Variants in DIAPH3 observed in about 807,000 individuals in gnomAD.
DIAPH3 encodes the protein protein diaphanous homolog 3.
In DIAPH3, 117 loss-of-function variants were observed where a neutral mutation model predicts 144.3. That is an observed-to-expected ratio of 0.81 (90% CI 0.70 to 0.95). The LOEUF is 0.95. Ranked by LOEUF, DIAPH3 falls within the 40% of genes least tolerant of loss-of-function variation. The pLI is 0.00. For missense variants in DIAPH3, 1,421 were observed against 1,412.7 expected, an observed-to-expected ratio of 1.01 and a Z score of -0.09; for synonymous variants, 519 against 488.9, an observed-to-expected ratio of 1.06 and a Z score of -0.81.
rs911849667 is a variant in DIAPH3, at chr13:59,983,823, C to A, written c.1426G>T (p.Asp476Tyr). The A allele has an allele frequency of 2.0e-5, 32 of 1,610,138 alleles. 1 individual carries two copies. The East Asian group carries it at 6.9e-4, about 35-fold the overall frequency. Residue 476 changes from aspartate (D) to tyrosine (Y), a missense_variant, in exon 13 of 28, where the codon GAT (aspartate) becomes TAT (tyrosine). Transcript: ENST00000400324. ...SQIVLHRDGM[D>Y]PDFTYRKRLD... Reference sequence around the variant, plus strand: ...CTTTTTCGATATGTGAAGTCTGGATCCATTCCATCTCTATGCAATACAATC... The same window carrying A: ...CTTTTTCGATATGTGAAGTCTGGATACATTCCATCTCTATGCAATACAATC...
intron 5 of DIAPH3, among the ~76,000 whole-genome samples, chr13:60,035,697 A>C (rs928261346): frequency 4.6e-5 from 7 of 152,330 alleles, no homozygotes; most frequent in African/African-American, 1.7e-4. Context: ...TTAAGAAATA[A>C]TAGAAGGCAT....
rs1307645638 is a variant in DIAPH3 at position 60,087,742 on chromosome 13, G to A, written c.495+5886C>T. Among the ~76,000 whole-genome samples, 3 of 151,016 alleles carry A rather than the reference G, an allele frequency of 2.0e-5. No homozygotes were observed. The East Asian group carries it at 5.8e-4, about 29-fold the overall frequency. Reference sequence around the variant, plus strand: ...AAAAGAAGGAGCTAGCAAACTTTCAGGAGCATTTATAAAAGAGGAATTCTG... The same window carrying A: ...AAAAGAAGGAGCTAGCAAACTTTCAAGAGCATTTATAAAAGAGGAATTCTG... On this transcript the variant is annotated intron_variant, in intron 4 of 27. Coordinates refer to ENST00000400324, the MANE Select transcript of DIAPH3 (RefSeq NM_001042517.2).
At chr13:59,929,044 G>A (rs1284815466) in intron 17 of DIAPH3, among the ~76,000 whole-genome samples, 3 of 152,142 alleles carry the variant, frequency 2.0e-5, no homozygotes, top group Non-Finnish European at 4.4e-5. Flanking sequence ...TTCAAAATCT[G>A]AAATGCTCCA....
At chr13:59,867,358 T>C (rs1384720435) in intron 21 of DIAPH3, among the ~76,000 whole-genome samples, 1 of 151,598 alleles carries the variant, frequency 6.6e-6, no homozygotes, top group Non-Finnish European at 1.5e-5. Flanking sequence ...ACCACAACCA[T>C]TAATATTAAA....
At chr13:60,132,534 C>G (rs968536006) in intron 2 of DIAPH3, among the ~76,000 whole-genome samples, 2 of 152,036 alleles carry the variant, frequency 1.3e-5, no homozygotes, top group African/African-American at 4.8e-5. Context: ...GTAAGGCATA[C>G]CCGGTTCTCT....
intron 27 of DIAPH3, among the ~76,000 whole-genome samples, chr13:59,714,219 G>C (rs914282914): frequency 6.6e-6 from 1 of 151,612 alleles, no homozygotes; most frequent in Admixed American, 6.6e-5. Flanking sequence ...AATTAGCCGG[G>C]CGTAGTGGCG....
At chr13:59,846,946 G>C (rs746812533) in intron 22 of DIAPH3, among the ~76,000 whole-genome samples, 1 of 152,092 alleles carries the variant, frequency 6.6e-6, no homozygotes, top group Non-Finnish European at 1.5e-5. Flanking sequence ...AGGGGTAGTG[G>C]TGCCTGCCTA....
chr13:60,063,329 A>G (rs1426342991), intron 4 of DIAPH3, among the ~76,000 whole-genome samples: 1 of 152,196 alleles, frequency 6.6e-6, no homozygotes, highest in Non-Finnish European at 1.5e-5. Flanking sequence ...CTTGCTGTTT[A>G]CACCACATCT....
Position 60,123,143 on chromosome 13 carries a change from C to T in DIAPH3, c.213+9814G>A, listed in dbSNP as rs577809281. 3.9e-5 allele frequency among the ~76,000 whole-genome samples: 6 copies of T among 152,216 alleles called. No homozygotes were observed. In the South Asian group the frequency reaches 1.2e-3, roughly 32 times the overall value. Reference sequence around the variant, plus strand: ...ATAAGGAGTAAAAATTACACCAACTCCTGCCAGCCCAGATTCCAACCTGTC... The same window carrying T: ...ATAAGGAGTAAAAATTACACCAACTTCTGCCAGCCCAGATTCCAACCTGTC... On this transcript the variant is annotated intron_variant, in intron 2 of 27. Coordinates refer to ENST00000400324, the MANE Select transcript of DIAPH3 (RefSeq NM_001042517.2).
At position 59,839,406 on chromosome 13, in the gene DIAPH3, C is replaced by T. The variant is rs1229056731; in HGVS notation, c.2780G>A (p.Arg927Lys). 6.2e-7 allele frequency: 1 copy of T among 1,613,728 alleles called. No homozygotes were observed. Among genetic ancestry groups the T allele is most frequent in the Non-Finnish European group, 8.5e-7 (1 of 1,179,816 alleles). ...TLEKNLRQMG[R>K]QLQQLEKELE... The stretch of plus-strand genomic sequence containing the variant: ...TTCCTTCTCAAGCTGTTGAAGCTGC[C>T]TTCCCATCTGCCTCAAATTCTTTTC... Residue 927 changes from arginine to lysine, a missense_variant, in exon 23 of 28, where the codon AGG (arginine) becomes AAG (lysine). Arg to Lys is a conservative substitution (Grantham distance 26, BLOSUM62 2). Transcript: ENST00000400324.
rs544698815 is a variant in DIAPH3, at chr13:59,797,982, C to G, written c.3163+12806G>C. Among the ~76,000 whole-genome samples, 9 of 152,180 alleles carry G rather than the reference C, an allele frequency of 5.9e-5. No homozygotes were observed. In the East Asian group the frequency reaches 1.7e-3, roughly 29 times the overall value. On this transcript the variant is annotated intron_variant, in intron 25 of 27. Coordinates refer to ENST00000400324, the MANE Select transcript of DIAPH3 (RefSeq NM_001042517.2). The stretch of plus-strand genomic sequence containing the variant: ...GGCCCATTCAGGTAAAAAACACTCC[C>G]AAGATTAAAAAGCCTTTAAATTGGA...
chr13:59,973,988 G>A (rs2050530693), intron 15 of DIAPH3, among the ~76,000 whole-genome samples: 1 of 152,090 alleles, frequency 6.6e-6, no homozygotes. Context: ...CCCCTAGGCT[G>A]AAGGTTTTAA....
intron 24 of DIAPH3, among the ~76,000 whole-genome samples, chr13:59,816,146 C>G (rs413292): frequency 6.6e-6 from 1 of 151,972 alleles, no homozygotes; most frequent in Non-Finnish European, 1.5e-5. Flanking sequence ...ACTTTCACTT[C>G]TAGGATAAAC....
At chr13:59,986,775 A>T (rs2051414290) in intron 12 of DIAPH3, among the ~76,000 whole-genome samples, 1 of 150,312 alleles carries the variant, frequency 6.7e-6, no homozygotes. Context: ...CCACTATGAG[A>T]TATCATCTCA....
At chr13:60,131,514 G>C (rs1004761978) in intron 2 of DIAPH3, among the ~76,000 whole-genome samples, 1 of 150,956 alleles carries the variant, frequency 6.6e-6, no homozygotes, top group Non-Finnish European at 1.5e-5. Context: ...ACACATTATG[G>C]TAAGCGAAAT....
chr13:59,945,311 C>A (rs1047304631), intron 17 of DIAPH3, among the ~76,000 whole-genome samples: 4 of 152,144 alleles, frequency 2.6e-5, no homozygotes, highest in Non-Finnish European at 5.9e-5. Flanking sequence ...AAACTACAGT[C>A]ATTTTTGTTG....
At chr13:59,733,166 C>T (rs2035971961) in intron 27 of DIAPH3, among the ~76,000 whole-genome samples, 1 of 152,130 alleles carries the variant, frequency 6.6e-6, no homozygotes, top group East Asian at 1.9e-4. Context: ...TTTCTTCTTA[C>T]ATCATAGCTA....
intron 21 of DIAPH3, among the ~76,000 whole-genome samples, chr13:59,866,524 T>C (rs950759746): frequency 6.6e-6 from 1 of 152,052 alleles, no homozygotes; most frequent in African/African-American, 2.4e-5. Flanking sequence ...CTGGAAAGCA[T>C]CTAAAAACAG....
chr13:60,046,585 C>T (rs1020902767), intron 4 of DIAPH3, among the ~76,000 whole-genome samples: 2 of 152,132 alleles, frequency 1.3e-5, no homozygotes, highest in Admixed American at 6.5e-5. Flanking sequence ...GGATCTAGAA[C>T]TAGAAATACC....
Sources: allele counts gnomAD v4.1 joint callset (sites outside exome capture counted in the v4.1 genomes callset), GRCh38; gene constraint gnomAD v4.1.1; transcripts MANE v1.5; gene names NCBI Gene and HGNC (gene_info 2026-07-23, HGNC 2026-07-21).